Variants in LUZP1 observed in about 807,000 individuals in gnomAD.
LUZP1 encodes the protein filamin mechanobinding actin cross-linking protein.
LUZP1 carries 25 observed loss-of-function variants against 71.3 expected under a neutral mutation model. The observed-to-expected ratio is 0.35, with a 90% CI of 0.26 to 0.49. The LOEUF is 0.49. Ranked by LOEUF, LUZP1 falls within the 20% of genes least tolerant of loss-of-function variation. The pLI, the probability that LUZP1 is intolerant of heterozygous loss-of-function variation, is 0.99. For synonymous variants in LUZP1, 481 were observed against 506.4 expected (o/e 0.95, Z 0.67); for missense variants, 1,142 against 1,300.8 (o/e 0.88, Z 1.88).
intron 2 of LUZP1, among the ~76,000 whole-genome samples, chr1:23,152,839 C>G (rs1033669126): frequency 2.6e-5 from 4 of 152,112 alleles, no homozygotes; most frequent in African/African-American, 9.7e-5. Flanking sequence ...CCAATTCTAC[C>G]AGTTTCATAA....
chr1:23,086,118 G>T (rs551392081), exon 5 of LUZP1: 22 of 152,338 alleles, frequency 1.4e-4, no homozygotes, highest in African/African-American at 5.1e-4. Context: ...CTTCCTCCAG[G>T]ACCCCTGATG....
intron 3 of LUZP1, among the ~76,000 whole-genome samples, chr1:23,102,570 C>T (rs1643940042): frequency 6.6e-6 from 1 of 152,146 alleles, no homozygotes; most frequent in South Asian, 2.1e-4. Context: ...TCTATTCCAG[C>T]TACTGAACTC....
rs1016671085 is a variant in LUZP1, at chr1:23,111,499, T to C, written c.-225-2372A>G. Reference sequence around the variant, plus strand: ...CACCTGGAGCCCAGAAGTTTGAGGCTGCTGTGAGCCACAGTTGTCCTACTG... The same window carrying C: ...CACCTGGAGCCCAGAAGTTTGAGGCCGCTGTGAGCCACAGTTGTCCTACTG... On this transcript the variant is annotated intron_variant, in intron 2 of 4. Transcript: ENST00000302291. Among the ~76,000 whole-genome samples the C allele has an allele frequency of 6.6e-5, 10 of 152,248 alleles. No homozygotes were observed. In the East Asian group the frequency reaches 1.5e-3, roughly 23 times the overall value.
intron 1 of LUZP1, among the ~76,000 whole-genome samples, chr1:23,176,062 CT>C (rs57669214): frequency 1.4e-3 from 188 of 129,780 alleles, no homozygotes; most frequent in Admixed American, 1.5e-3. Flanking sequence ...ACTTCCTTGA[CT>C]TTTTTTTTTT....
Position 23,167,894 on chromosome 1 carries a change from G to C in LUZP1, c.-226+872C>G, listed in dbSNP as rs1229785791. Among the ~76,000 whole-genome samples, 11 of 152,088 alleles carry C rather than the reference G, an allele frequency of 7.2e-5. No homozygotes were observed. The East Asian group carries it at 2.1e-3, about 30-fold the overall frequency. ...TCCTTCCCTGCCCGGGCGGCTGGGCGGGGGCCGGGGGTGCGCCGGGAGGCG... is the reference window on the plus strand; with the variant it reads ...TCCTTCCCTGCCCGGGCGGCTGGGCCGGGGCCGGGGGTGCGCCGGGAGGCG... On this transcript the variant is annotated intron_variant, in intron 2 of 4. Coordinates refer to ENST00000302291, the Ensembl canonical transcript of LUZP1.
chr1:23,114,799 C>T (rs750038139), intron 2 of LUZP1, among the ~76,000 whole-genome samples: 7 of 152,170 alleles, frequency 4.6e-5, no homozygotes, highest in East Asian at 1.9e-4. Context: ...ACCCGGGTGG[C>T]GGCCTCTAGT....
chr1:23,094,404 T>C lies in LUZP1; in HGVS notation c.-119-24A>G. The C allele has an allele frequency of 1.4e-6, 2 of 1,414,972 alleles. No homozygotes were observed. The allele number at this position is 1,414,972 out of a possible 1,614,324, so 87.7% of individuals were successfully genotyped here. On this transcript the variant is annotated intron_variant, in intron 3 of 4. Transcript: ENST00000302291. The surrounding 1 kb of genome is among the most constrained non-coding windows in gnomAD (Gnocchi z 4.7). ...ATCTACAAAAGGAAAGTAGAAAGCA[T>C]GTCAGTCAGCAAATGTAAAACCTGC...
chr1:23,129,786 GTTCA>G (rs906670537), intron 2 of LUZP1, among the ~76,000 whole-genome samples: 1 of 152,028 alleles, frequency 6.6e-6, no homozygotes, highest in Non-Finnish European at 1.5e-5. Flanking sequence ...TTCCTCCCCA[GTTCA>G]TTCATTTTCT....
intron 2 of LUZP1, among the ~76,000 whole-genome samples, chr1:23,166,114 A>C (rs1158046177): frequency 6.6e-6 from 1 of 152,164 alleles, no homozygotes; most frequent in Non-Finnish European, 1.5e-5. Flanking sequence ...CACTGCTGAA[A>C]GAAAAGGCAA....
chr1:23,135,314 T>G (rs918269829), intron 2 of LUZP1, among the ~76,000 whole-genome samples: 1 of 152,230 alleles, frequency 6.6e-6, no homozygotes, highest in Admixed American at 6.5e-5. Context: ...ATTACTTTAT[T>G]CATTTTAAAT....
intron 3 of LUZP1, among the ~76,000 whole-genome samples, chr1:23,098,247 G>A (rs917721051): frequency 6.6e-6 from 1 of 152,206 alleles, no homozygotes; most frequent in African/African-American, 2.4e-5. Context: ...AGAAGGAGGT[G>A]AAGAATAGTG....
chr1:23,120,640 G>A (rs1644122875), intron 2 of LUZP1, among the ~76,000 whole-genome samples: 1 of 152,106 alleles, frequency 6.6e-6, no homozygotes, highest in Non-Finnish European at 1.5e-5. Flanking sequence ...TTACAGGCAT[G>A]AGCCACTACG....
chr1:23,166,433 T>G (rs943205521), intron 2 of LUZP1, among the ~76,000 whole-genome samples: 1 of 151,942 alleles, frequency 6.6e-6, no homozygotes, highest in African/African-American at 2.4e-5. Flanking sequence ...GGCGGGCAGA[T>G]CACTTGAGGT....
intron 3 of LUZP1, among the ~76,000 whole-genome samples, chr1:23,102,307 C>T (rs1289133663): frequency 6.6e-6 from 1 of 152,092 alleles, no homozygotes; most frequent in Non-Finnish European, 1.5e-5. Context: ...AACCCAGTTC[C>T]AAGTGGCCCC....
intron 2 of LUZP1, among the ~76,000 whole-genome samples, chr1:23,120,756 C>T (rs1644123666): frequency 6.6e-6 from 1 of 152,148 alleles, no homozygotes; most frequent in Non-Finnish European, 1.5e-5. Flanking sequence ...TTATCAAATT[C>T]ATTTTATATG....
At chr1:23,117,205 A>G (rs1418910428) in intron 2 of LUZP1, among the ~76,000 whole-genome samples, 2 of 152,126 alleles carry the variant, frequency 1.3e-5, no homozygotes, top group Non-Finnish European at 2.9e-5. Flanking sequence ...AAAACCACAC[A>G]TGGGATTGAA....
At chr1:23,129,123 G>C (rs1271465300) in intron 2 of LUZP1, among the ~76,000 whole-genome samples, 1 of 152,218 alleles carries the variant, frequency 6.6e-6, no homozygotes, top group East Asian at 1.9e-4. Context: ...CAGTGGATCT[G>C]GGTAGATAAG....
intron 2 of LUZP1, among the ~76,000 whole-genome samples, chr1:23,152,732 C>T (rs187081777): frequency 3.3e-5 from 5 of 151,914 alleles, no homozygotes; most frequent in Non-Finnish European, 7.4e-5. Flanking sequence ...GGTTTTGCCA[C>T]GTTGGCCAGG....
intron 1 of LUZP1, among the ~76,000 whole-genome samples, chr1:23,171,466 C>T (rs1281910271): frequency 1.3e-5 from 2 of 152,230 alleles, no homozygotes; most frequent in African/African-American, 2.4e-5. Flanking sequence ...TGCTTCATGC[C>T]TTTCTCCTCT....
Sources: gnomAD v4.1 joint callset for allele counts (sites outside exome capture counted in the v4.1 genomes callset) on GRCh38, gnomAD v4.1.1 for gene constraint, Gnocchi (gnomAD v3.1) non-coding constraint, MANE v1.5 for transcripts, NCBI Gene and HGNC (gene_info 2026-07-23, HGNC 2026-07-21) for gene names.